CSMD1: variants seen among roughly 807,000 people sequenced by gnomAD.
The protein encoded by CSMD1 is CUB and sushi domain-containing protein 1.
In CSMD1, 213 loss-of-function variants were observed where a neutral mutation model predicts 417.5. That is an observed-to-expected ratio of 0.51 (90% confidence interval 0.46 to 0.57). CSMD1 has a LOEUF of 0.57. CSMD1 is among the 20% of genes least tolerant of loss of function. CSMD1 has a pLI of 0.00. For synonymous variants in CSMD1, 2,862 were observed against 1,736.8 expected, an observed-to-expected ratio of 1.65 and a Z score of -16.11; for missense variants, 6,923 against 4,529.7, an observed-to-expected ratio of 1.53 and a Z score of -15.17.
At chr8:3,744,307 G>A (rs1481723) in intron 6 of CSMD1, among the ~76,000 whole-genome samples, 9 of 151,964 alleles carry the variant, frequency 5.9e-5, no homozygotes, top group East Asian at 1.9e-4. Context: ...GACACAGCAC[G>A]GAGAGCATCT....
rs537391159 is a variant in CSMD1 at position 3,387,399 on chromosome 8, C to A, written c.2782+95G>T. The A allele has an allele frequency of 5.9e-6, 6 of 1,022,944 alleles. No homozygotes were observed. In the African/African-American group the frequency reaches 8.0e-5, roughly 14 times the overall value. The allele number at this position is 1,022,944 out of a possible 1,614,324, so 63.4% of individuals were successfully genotyped here. A position where few individuals can be genotyped will look rare whatever the true frequency, so the allele number is the denominator to read the frequency against. On this transcript the variant is annotated intron_variant, in intron 18 of 69. Coordinates refer to ENST00000635120, the MANE Select transcript of CSMD1 (RefSeq NM_033225.6). ...GGGAACTCACGCCAGTCGTAAGGTA[C>A]CACCCCCTGAAATACACACACCACC...
At position 4,158,256 on chromosome 8, in the gene CSMD1, C is replaced by T. The variant is rs186822407; in HGVS notation, c.416-126157G>A. Among the ~76,000 whole-genome samples the T allele has an allele frequency of 3.1e-3, 470 of 152,140 alleles. 1 individual carries two copies. Among genetic ancestry groups the T allele is most frequent in the Admixed American group, 5.8e-3 (88 of 15,286 alleles). ...ACGGAGGATCATGCCCCCATGCCAG[C>T]TCTGCAGACATCGGGAAGACTAAAC... On this transcript the variant is annotated intron_variant, in intron 3 of 69. Coordinates refer to ENST00000635120, the MANE Select transcript of CSMD1 (RefSeq NM_033225.6).
chr8:3,239,092 C>A (rs925849693), intron 26 of CSMD1, among the ~76,000 whole-genome samples: 1 of 152,082 alleles, frequency 6.6e-6, no homozygotes, highest in African/African-American at 2.4e-5. Context: ...GAGGACAGAC[C>A]TGAATTCTGA....
chr8:3,423,468 T>C (rs1014968132), intron 12 of CSMD1, among the ~76,000 whole-genome samples: 1 of 152,234 alleles, frequency 6.6e-6, no homozygotes, highest in African/African-American at 2.4e-5. Flanking sequence ...CTGAGTGTAA[T>C]GATTCTGAGA....
rs118152021 is a variant in CSMD1, at chr8:4,125,617, A to T, written c.416-93518T>A. On this transcript the variant is annotated intron_variant, in intron 3 of 69. Transcript: ENST00000635120. ...TTGCAGAATTATAACTGAGGAAATT[A>T]TGTCAGTGACAGAAATCAGACCTAA... 3.0e-3 allele frequency among the ~76,000 whole-genome samples: 452 copies of T among 152,332 alleles called. 7 individuals carry two copies. The highest frequency in any genetic ancestry group is 0.023 in the Admixed American group (359 of 15,298).
chr8:3,458,510 C>A (rs1220803754), intron 12 of CSMD1, among the ~76,000 whole-genome samples: 1 of 152,158 alleles, frequency 6.6e-6, no homozygotes, highest in African/African-American at 2.4e-5. Context: ...AGGGTGATGA[C>A]TGGAAACTCA....
chr8:4,444,334 G>A (rs371806437), intron 2 of CSMD1, among the ~76,000 whole-genome samples: 1 of 102,114 alleles, frequency 9.8e-6, no homozygotes, highest in African/African-American at 4.3e-5. Flanking sequence ...GCTACAGAGT[G>A]AGACTCCATC....
At chr8:4,183,457 A>G (rs545368828) in intron 3 of CSMD1, among the ~76,000 whole-genome samples, 1 of 152,200 alleles carries the variant, frequency 6.6e-6, no homozygotes, top group Non-Finnish European at 1.5e-5. Flanking sequence ...TAGCCCCTCA[A>G]TGACATGTTC....
At chr8:4,186,111 G>A (rs1410146452) in intron 3 of CSMD1, among the ~76,000 whole-genome samples, 2 of 152,142 alleles carry the variant, frequency 1.3e-5, no homozygotes, top group Non-Finnish European at 2.9e-5. Context: ...ATTGGGCCAT[G>A]CCAGGCTGTC....
At chr8:4,698,460 T>C (rs1807279531) in intron 1 of CSMD1, among the ~76,000 whole-genome samples, 1 of 152,192 alleles carries the variant, frequency 6.6e-6, no homozygotes, top group Admixed American at 6.5e-5. Flanking sequence ...TTCATGCTTA[T>C]GTTCTCATAA....
At chr8:4,889,271 A>G (rs1056466937) in intron 1 of CSMD1, among the ~76,000 whole-genome samples, 1 of 152,168 alleles carries the variant, frequency 6.6e-6, no homozygotes, top group Non-Finnish European at 1.5e-5. Flanking sequence ...CCAAAAATCC[A>G]TAGCCTAAAT....
Position 3,911,546 on chromosome 8 carries a change from A to AAAG in CSMD1, c.818+86354_818+86356dup, listed in dbSNP as rs1554483249. On this transcript the variant is annotated intron_variant, in intron 5 of 69. Transcript: ENST00000635120. ...CCGTCTCAAAATAAAAAAAAAAAAA[A>AAAG]AAGAAGAAGAAGAAAACGAAGGCTA... Among the ~76,000 whole-genome samples the AAAG allele has an allele frequency of 1.3e-3, 203 of 151,748 alleles. 1 individual carries two copies. The highest frequency in any genetic ancestry group is 4.6e-3 in the African/African-American group (189 of 41,418).
chr8:4,125,142 G>A (rs1190472478), intron 3 of CSMD1, among the ~76,000 whole-genome samples: 1 of 151,782 alleles, frequency 6.6e-6, no homozygotes, highest in Non-Finnish European at 1.5e-5. Flanking sequence ...CTTTGATCAG[G>A]AGAAGACTTC....
At position 4,799,025 on chromosome 8, in the gene CSMD1, G is replaced by C. The variant is rs78026564; in HGVS notation, c.86-161467C>G. ...CCTCCATCCTCTGATATCCAGGGGG[G>C]TTTCCAGCAGGAGCGTGGGCTGGTG... is the stretch of plus-strand genomic sequence containing the variant. On this transcript the variant is annotated intron_variant, in intron 1 of 69. Transcript: ENST00000635120. Among the ~76,000 whole-genome samples the C allele has an allele frequency of 5.0e-3, 759 of 152,260 alleles. 18 individuals carry two copies. Among genetic ancestry groups the C allele is most frequent in the Admixed American group, 0.036 (548 of 15,296 alleles).
chr8:4,252,533 G>T (rs528881634), intron 3 of CSMD1, among the ~76,000 whole-genome samples: 2 of 152,124 alleles, frequency 1.3e-5, no homozygotes, highest in African/African-American at 4.8e-5. Context: ...ACCATAAAAT[G>T]CTCCTTAGAA....
chr8:4,812,288 G>C (rs1003914213), intron 1 of CSMD1, among the ~76,000 whole-genome samples: 1 of 152,152 alleles, frequency 6.6e-6, no homozygotes, highest in African/African-American at 2.4e-5. Flanking sequence ...GGAGGTGGGG[G>C]TTTTTCTCCC....
intron 5 of CSMD1, among the ~76,000 whole-genome samples, chr8:3,880,001 T>C (rs550608457): frequency 1.2e-4 from 19 of 152,162 alleles, no homozygotes; most frequent in Non-Finnish European, 2.4e-4. Context: ...TTTGATTCTG[T>C]ACCGAAGTTA....
intron 26 of CSMD1, among the ~76,000 whole-genome samples, chr8:3,261,803 T>A (rs1462834799): frequency 6.6e-6 from 1 of 152,036 alleles, no homozygotes; most frequent in Non-Finnish European, 1.5e-5. Flanking sequence ...TGATCAAAAG[T>A]CTGGAAGTAC....
At position 3,926,055 on chromosome 8, in the gene CSMD1, C is replaced by CACACACACACACACAAACACCAT. The variant is rs1584976926; in HGVS notation, c.818+71847_818+71848insATGGTGTTTGTGTGTGTGTGTGT. Among the ~76,000 whole-genome samples the CACACACACACACACAAACACCAT allele has an allele frequency of 7.3e-3, 251 of 34,560 alleles. 16 individuals carry two copies. The highest frequency in any genetic ancestry group is 0.041 in the East Asian group (29 of 706). 22.7% of individuals were successfully genotyped at this position (34,560 alleles called of 152,430 possible). On this transcript the variant is annotated intron_variant, in intron 5 of 69. Coordinates refer to ENST00000635120, the MANE Select transcript of CSMD1 (RefSeq NM_033225.6). ...CACACACACACACAAACACCATATA[C>CACACACACACACACAAACACCAT]ACACACACACACACACACAAACACC...
Sources: gnomAD v4.1 joint callset for allele counts (sites outside exome capture counted in the v4.1 genomes callset) on GRCh38, gnomAD v4.1.1 for gene constraint, MANE v1.5 for transcripts, NCBI Gene and HGNC (gene_info 2026-07-23, HGNC 2026-07-21) for gene names.